ANKS1A: variants seen among roughly 807,000 people sequenced by gnomAD.
ANKS1A encodes ankyrin repeat and SAM domain-containing protein 1A.
Under a neutral mutation model 120.3 loss-of-function variants are expected in ANKS1A, and 55 were observed. That is an observed-to-expected ratio of 0.46 (90% confidence interval 0.37 to 0.57). The LOEUF (loss-of-function observed/expected upper bound fraction) is 0.57, where lower values mean the gene tolerates loss of function less well. Ranked by LOEUF, ANKS1A falls within the 20% of genes least tolerant of loss-of-function variation. The pLI is 0.00. For missense variants in ANKS1A, 1,123 were observed against 1,480.3 expected, an observed-to-expected ratio of 0.76 and a Z score of 3.96; for synonymous variants, 590 against 604.7, an observed-to-expected ratio of 0.98 and a Z score of 0.36.
At chr6:35,094,167 G>T (rs769545349), downstream of ANKS1A, among the ~76,000 whole-genome samples, 7 of 152,202 alleles carry the variant, frequency 4.6e-5, no homozygotes, top group Non-Finnish European at 8.8e-5. Context: ...AGCTAAAAGA[G>T]AAGGTTTAAA....
At chr6:35,005,815 C>A in intron 10 of ANKS1A, 3 of 417,450 alleles carry the variant, frequency 7.2e-6, no homozygotes, top group South Asian at 1.7e-5. Context: ...CACTTTGGGA[C>A]CCCAAGGTGG....
In ANKS1A at chr6:35,078,573, G is replaced by T; in HGVS notation, c.2200G>T (p.Glu734Ter). 1 of 1,610,746 alleles carries T rather than the reference G, an allele frequency of 6.2e-7. No homozygotes were observed. Among genetic ancestry groups the T allele is most frequent in the Non-Finnish European group, 8.5e-7 (1 of 1,179,932 alleles). Reference protein sequence around the residue: ...DVHFLGSNVMEEQDLRDIGIS... With the variant: ...DVHFLGSNVM ...CTGCTCTCAGGGGTCTAATGTGATG[G>T]AAGAGCAGGACCTGCGGGACATCGG... The change falls in exon 14 of 24, where the codon GAA (glutamate) becomes TAA (stop). Residue 734 changes from glutamate to a stop codon, truncating the protein, a stop_gained. Transcript: ENST00000360359. LOFTEE classifies it high-confidence loss of function.
At chr6:35,021,713 C>A (rs903843288) in intron 11 of ANKS1A, among the ~76,000 whole-genome samples, 1 of 152,076 alleles carries the variant, frequency 6.6e-6, no homozygotes, top group Non-Finnish European at 1.5e-5. Flanking sequence ...AGGCCGGGTG[C>A]GGTGGCTCAC....
intron 11 of ANKS1A, among the ~76,000 whole-genome samples, chr6:35,052,308 G>A (rs550228851): frequency 2.0e-5 from 3 of 151,338 alleles, no homozygotes; most frequent in Admixed American, 1.3e-4. Flanking sequence ...AAAATTAGCC[G>A]GCTGTGGTGT....
At chr6:34,917,574 A>G (rs866223415) in intron 1 of ANKS1A, among the ~76,000 whole-genome samples, 3 of 152,212 alleles carry the variant, frequency 2.0e-5, no homozygotes, top group Admixed American at 6.5e-5. Context: ...TGTTAAACTA[A>G]CCTGAAATCT....
chr6:35,096,513 T>G, the ANKS1A span, among the ~76,000 whole-genome samples: 2 of 152,228 alleles, frequency 1.3e-5, no homozygotes. Flanking sequence ...ACACTAATTT[T>G]GGTCTCATTT....
At chr6:35,081,707 G>A (rs1419688742) in intron 17 of ANKS1A, among the ~76,000 whole-genome samples, 8 of 152,178 alleles carry the variant, frequency 5.3e-5, no homozygotes, top group South Asian at 2.1e-4. Context: ...CGCCTCCTCC[G>A]CTCCCGGTGC....
intron 1 of ANKS1A, among the ~76,000 whole-genome samples, chr6:34,950,222 CTTT>C: frequency 1.0e-5 from 1 of 97,530 alleles, no homozygotes; most frequent in Admixed American, 1.2e-4. Flanking sequence ...TCTTTTCTCT[CTTT>C]TTTTTTTTTT....
chr6:34,925,943 G>A (rs982625866), intron 1 of ANKS1A, among the ~76,000 whole-genome samples: 16 of 152,188 alleles, frequency 1.1e-4, no homozygotes, highest in African/African-American at 3.9e-4. Context: ...GACTAAAAAT[G>A]TCAGTAGGCG....
chr6:34,903,710 T>G (rs931072351), intron 1 of ANKS1A, among the ~76,000 whole-genome samples: 1 of 152,126 alleles, frequency 6.6e-6, no homozygotes, highest in Non-Finnish European at 1.5e-5. Flanking sequence ...AGAGACGGGG[T>G]TTCACCATGT....
intron 1 of ANKS1A, among the ~76,000 whole-genome samples, chr6:34,901,192 G>C (rs543965847): frequency 2.0e-5 from 3 of 151,792 alleles, no homozygotes; most frequent in Admixed American, 2.0e-4. Context: ...CCAAAAGCCT[G>C]TGTATTTGAA....
At chr6:34,989,729 T>A (rs763217440) in intron 9 of ANKS1A, among the ~76,000 whole-genome samples, 16 of 152,298 alleles carry the variant, frequency 1.1e-4, no homozygotes, top group Middle Eastern at 6.8e-3. Context: ...TATTTTTTCC[T>A]GTTCGTTTCA....
At chr6:35,052,475 AT>A (rs1370611690) in intron 11 of ANKS1A, among the ~76,000 whole-genome samples, 1 of 151,640 alleles carries the variant, frequency 6.6e-6, no homozygotes, top group South Asian at 2.1e-4. Context: ...ATTAAAAAAA[AT>A]AGCAAGGCAT....
At chr6:35,001,913 A>G (rs1221342122) in intron 10 of ANKS1A, among the ~76,000 whole-genome samples, 1 of 152,166 alleles carries the variant, frequency 6.6e-6, no homozygotes, top group Non-Finnish European at 1.5e-5. Context: ...AAAGAATTAG[A>G]CAGGGTTTAC....
chr6:34,943,550 C>T (rs1202506689), intron 1 of ANKS1A, among the ~76,000 whole-genome samples: 1 of 152,308 alleles, frequency 6.6e-6, no homozygotes, highest in East Asian at 1.9e-4. Context: ...AATAATTTCA[C>T]TGCCCAAAGA....
At chr6:34,930,863 T>A (rs1357737351) in intron 1 of ANKS1A, among the ~76,000 whole-genome samples, 5 of 151,912 alleles carry the variant, frequency 3.3e-5, no homozygotes, top group African/African-American at 1.2e-4. Flanking sequence ...AGTTTTATGC[T>A]TATCTCACAT....
chr6:34,987,741 G>A (rs1300528774), intron 8 of ANKS1A, among the ~76,000 whole-genome samples: 1 of 152,222 alleles, frequency 6.6e-6, no homozygotes, highest in African/African-American at 2.4e-5. Flanking sequence ...ATGCTAATGC[G>A]AGTAGCTCCT....
chr6:34,999,259 A>G (rs1773024625), intron 10 of ANKS1A, among the ~76,000 whole-genome samples: 1 of 152,180 alleles, frequency 6.6e-6, no homozygotes, highest in African/African-American at 2.4e-5. Context: ...ATTTGAGCGG[A>G]AGCATGGCCT....
At chr6:34,981,300 T>C (rs569989063) in intron 3 of ANKS1A, among the ~76,000 whole-genome samples, 1 of 152,336 alleles carries the variant, frequency 6.6e-6, no homozygotes, top group Admixed American at 6.5e-5. Flanking sequence ...GTTGAATGCC[T>C]ACAAATTGTA....
Sources: gnomAD v4.1 joint callset for allele counts (sites outside exome capture counted in the v4.1 genomes callset) on GRCh38, gnomAD v4.1.1 for gene constraint, MANE v1.5 for transcripts, NCBI Gene and HGNC (gene_info 2026-07-23, HGNC 2026-07-21) for gene names.